The following TATDN2 variants were observed in gnomAD, a reference collection of about 807,000 sequenced individuals.
TATDN2 encodes the protein TatD DNase domain containing 2, also known as 3'-5' RNA nuclease TATDN2.
Under a neutral mutation model 60.3 loss-of-function variants are expected in TATDN2, and 44 were observed. That is an observed-to-expected ratio of 0.73 (90% CI 0.57 to 0.94). The LOEUF (loss-of-function observed/expected upper bound fraction) is 0.94. TATDN2 is among the 40% of genes least tolerant of loss of function. TATDN2 has a pLI of 0.00. For synonymous variants in TATDN2, 399 were observed against 355.8 expected, an observed-to-expected ratio of 1.12 and a Z score of -1.37; for missense variants, 997 against 948.0, an observed-to-expected ratio of 1.05 and a Z score of -0.68.
Position 10,278,543 on chromosome 3 carries a change from G to A in TATDN2, c.2145+81G>A. Reference sequence around the variant, plus strand: ...GTGGTCACCCTTACAAGGTTGGCAGGGCCAGAGCCCCAGTGACTTCCAGGT... The same window carrying A: ...GTGGTCACCCTTACAAGGTTGGCAGAGCCAGAGCCCCAGTGACTTCCAGGT... On this transcript the variant is annotated intron_variant, in intron 6 of 7. Coordinates refer to ENST00000448281, the MANE Select transcript of TATDN2 (RefSeq NM_014760.4). The surrounding 1 kb of genome is among the most constrained non-coding windows in gnomAD (Gnocchi z 4.7). 1 of 1,572,250 alleles carries A rather than the reference G, an allele frequency of 6.4e-7. No homozygotes were observed.
rs780219095 is a variant in TATDN2 at position 10,260,171 on chromosome 3, ACT to A, written c.452_453del (p.Ser151Ter). 4 of 1,613,554 alleles carry A rather than the reference ACT, an allele frequency of 2.5e-6. No individual in the cohort carries two copies. The highest frequency in any genetic ancestry group is 1.7e-4 in the Middle Eastern group (1 of 6,054). On this transcript the variant is annotated frameshift_variant, in exon 3 of 8. Coordinates refer to ENST00000448281, the MANE Select transcript of TATDN2 (RefSeq NM_014760.4). LOFTEE classifies it high-confidence loss of function. ...AAAGATAGTTCTCATAACTCCACAA[ACT>A]CTGAATTTGCAGCTGAAGCTGAGGG...
chr3:10,252,324 A>G (rs930708553), intron 2 of TATDN2, among the ~76,000 whole-genome samples: 4 of 151,922 alleles, frequency 2.6e-5, no homozygotes, highest in African/African-American at 9.7e-5. Context: ...CAATTAGAGA[A>G]TTTATACAGG....
At position 10,270,986 on chromosome 3, in the gene TATDN2, T is replaced by C. The variant is rs746254813; in HGVS notation, c.1804T>C (p.Cys602Arg). ...AATGGGCTTGGATTACTCTTACAAG[T>C]GCACCACGCCTGTCCCAGAACAGCA... ...GEMGLDYSYKCTTPVPEQHKV... is the reference protein window; with the variant it reads ...GEMGLDYSYKRTTPVPEQHKV... Residue 602 changes from cysteine (C) to arginine (R), a missense_variant, in exon 4 of 8, where the codon TGC (cysteine) becomes CGC (arginine). Cys to Arg is a radical substitution (Grantham distance 180). Coordinates refer to ENST00000448281, the MANE Select transcript of TATDN2 (RefSeq NM_014760.4). The C allele has an allele frequency of 2.5e-6, 4 of 1,605,374 alleles. No homozygotes were observed. The highest frequency in any genetic ancestry group is 2.6e-6 in the Non-Finnish European group (3 of 1,176,356).
chr3:10,263,034 G>T (rs888080801), intron 3 of TATDN2, among the ~76,000 whole-genome samples: 1 of 152,094 alleles, frequency 6.6e-6, no homozygotes, highest in African/African-American at 2.4e-5. Context: ...GTGAGTAGCT[G>T]GGATTACAGG....
intron 4 of TATDN2, among the ~76,000 whole-genome samples, chr3:10,275,598 T>A (rs1218447959): frequency 6.6e-6 from 1 of 151,962 alleles, no homozygotes; most frequent in African/African-American, 2.4e-5. Context: ...ATACAGAAAT[T>A]AGCCAGGCAA....
intron 2 of TATDN2, among the ~76,000 whole-genome samples, chr3:10,259,272 A>C (rs1698365018): frequency 6.6e-6 from 1 of 152,252 alleles, no homozygotes; most frequent in South Asian, 2.1e-4. Flanking sequence ...GCTGGATTAC[A>C]GGCATGAGCC....
intron 3 of TATDN2, among the ~76,000 whole-genome samples, chr3:10,266,624 C>G (rs1698478020): frequency 6.6e-6 from 1 of 152,188 alleles, no homozygotes; most frequent in African/African-American, 2.4e-5. Context: ...GGTTTACAGC[C>G]TCTGTTGCAG....
At position 10,270,315 on chromosome 3, in the gene TATDN2, C is replaced by A; in HGVS notation, c.1133C>A (p.Pro378His). ...VMYPPHLYSS[P>H]WCDYASYWTS... ...TACCCTCCTCATTTGTACAGTAGTCCTTGGTGTGACTACGCCAGCTATTGG... is the reference window on the plus strand; with the variant it reads ...TACCCTCCTCATTTGTACAGTAGTCATTGGTGTGACTACGCCAGCTATTGG... The change falls in exon 4 of 8, where the codon CCT becomes CAT. Residue 378 changes from proline (P) to histidine (H), a missense_variant. Pro to His is a moderately conservative substitution (Grantham distance 77). Coordinates refer to ENST00000448281, the MANE Select transcript of TATDN2 (RefSeq NM_014760.4). The A allele has an allele frequency of 6.2e-7, 1 of 1,614,170 alleles. No individual in the cohort carries two copies. Among genetic ancestry groups the A allele is most frequent in the Admixed American group, 1.7e-5 (1 of 60,028 alleles).
In TATDN2 at chr3:10,278,768, G is replaced by A. The variant is rs1169994996; in HGVS notation, c.2146-117G>A. ...CTCTCCCTGCACCTGCAGGTAAAGG[G>A]GTCTCTACAGGGCAGCCCCAAAGAG... On this transcript the variant is annotated intron_variant, in intron 6 of 7. Coordinates refer to ENST00000448281, the MANE Select transcript of TATDN2 (RefSeq NM_014760.4). This position sits in a 1 kb window ranked among gnomAD's most constrained non-coding sequence, Gnocchi z 4.7. 1 of 1,486,854 alleles carries A rather than the reference G, an allele frequency of 6.7e-7. No homozygotes were observed. Among genetic ancestry groups the A allele is most frequent in the African/African-American group, 1.4e-5 (1 of 72,528 alleles). The allele number at this position is 1,486,854 out of a possible 1,614,324, so 92.1% of individuals were successfully genotyped here. A position where few individuals can be genotyped will look rare whatever the true frequency, so the allele number is the denominator to read the frequency against.
In TATDN2 at chr3:10,261,636, G is replaced by A. The variant is rs535662208; in HGVS notation, c.948+966G>A. Among the ~76,000 whole-genome samples, 37 of 152,222 alleles carry A rather than the reference G, an allele frequency of 2.4e-4. No individual in the cohort carries two copies. The South Asian group carries it at 5.6e-3, about 23-fold the overall frequency. On this transcript the variant is annotated intron_variant, in intron 3 of 7. Transcript: ENST00000448281. ...ACCTGCCTTGGCCTCCCAAAGTGCC[G>A]GGATTACAGGCATGAGCCACTGTGC... is the stretch of plus-strand genomic sequence containing the variant.
chr3:10,268,158 C>A (rs1172990290), intron 3 of TATDN2, among the ~76,000 whole-genome samples: 1 of 152,216 alleles, frequency 6.6e-6, no homozygotes, highest in African/African-American at 2.4e-5. Flanking sequence ...AGTTAGCTTG[C>A]ATTTTAGAAA....
At chr3:10,271,413 A>T (rs1399650471) in intron 4 of TATDN2, among the ~76,000 whole-genome samples, 1 of 152,160 alleles carries the variant, frequency 6.6e-6, no homozygotes, top group Non-Finnish European at 1.5e-5. Flanking sequence ...TCCTGGGTTC[A>T]AACTGTTTTC....
At chr3:10,257,912 G>A (rs910580328) in intron 2 of TATDN2, among the ~76,000 whole-genome samples, 1 of 120,860 alleles carries the variant, frequency 8.3e-6, no homozygotes, top group Non-Finnish European at 1.6e-5. Flanking sequence ...CCAGGCTGGA[G>A]TGCAGTGGCA....
At chr3:10,252,945 C>G (rs1698253555) in intron 2 of TATDN2, among the ~76,000 whole-genome samples, 1 of 151,542 alleles carries the variant, frequency 6.6e-6, no homozygotes, top group Non-Finnish European at 1.5e-5. Context: ...CAAGCTCCGC[C>G]TCCCGGGTTC....
Position 10,279,721 on chromosome 3 carries a change from T to C in TATDN2, c.*539T>C, listed in dbSNP as rs1698700342. 3 of 152,308 alleles carry C rather than the reference T, an allele frequency of 2.0e-5. No individual in the cohort carries two copies. Among genetic ancestry groups the C allele is most frequent in the African/African-American group, 7.2e-5 (3 of 41,444 alleles). 9.4% of individuals were successfully genotyped at this position (152,308 alleles called of 1,614,324 possible). A position where few individuals can be genotyped will look rare whatever the true frequency, so the allele number is the denominator to read the frequency against. ...AGTGAAGTCGTCCTCCTCCCTTCCCTGGATAACTCTTCAGTTTGACTGTCA... is the reference window on the plus strand; with the variant it reads ...AGTGAAGTCGTCCTCCTCCCTTCCCCGGATAACTCTTCAGTTTGACTGTCA... On this transcript the variant is annotated 3_prime_UTR_variant, in exon 8 of 8. Transcript: ENST00000448281.
Position 10,257,294 on chromosome 3 carries a change from T to TTATATATATATATATA in TATDN2, c.415-2839_415-2824dup, listed in dbSNP as rs3072531. On this transcript the variant is annotated intron_variant, in intron 2 of 7. Transcript: ENST00000448281. ...AGTGAGATTTTGCCTCAAAAAAAAA[T>TTATATATATATATATA]TATATATATATATATATATGAATTC... is the stretch of plus-strand genomic sequence containing the variant. Among the ~76,000 whole-genome samples the TTATATATATATATATA allele has an allele frequency of 8.1e-4, 108 of 133,586 alleles. 1 individual carries two copies. The highest frequency in any genetic ancestry group is 4.5e-3 in the South Asian group (18 of 3,968). 87.6% of individuals were successfully genotyped at this position (133,586 alleles called of 152,430 possible).
In TATDN2 at chr3:10,249,357, A is replaced by T. The variant is rs780718395; in HGVS notation, c.157A>T (p.Lys53Ter). The T allele has an allele frequency of 1.2e-6, 2 of 1,612,782 alleles. No homozygotes were observed. The highest frequency in any genetic ancestry group is 1.7e-6 in the Non-Finnish European group (2 of 1,179,220). The change falls in exon 2 of 8, where the codon AAG becomes TAG. Residue 53 changes from lysine to a stop codon, truncating the protein, a stop_gained. Coordinates refer to ENST00000448281, the MANE Select transcript of TATDN2 (RefSeq NM_014760.4). LOFTEE classifies it high-confidence loss of function. ...ASRSGGPSSP[K>*]RLKAQKEDDV... The stretch of plus-strand genomic sequence containing the variant: ...GCGTTCTGGAGGGCCCAGCAGCCCC[A>T]AGCGCCTGAAAGCCCAGAAGGAGGA...
At position 10,280,087 on chromosome 3, in the gene TATDN2, T is replaced by A. The variant is rs1698708342; in HGVS notation, c.*905T>A. ...CTTCTTGGGAACATTTGACCAAAAA[T>A]AATCCTCATTTCATCTTGTGTACAG... On this transcript the variant is annotated 3_prime_UTR_variant, in exon 8 of 8. Transcript: ENST00000448281. 1 of 153,882 alleles carries A rather than the reference T, an allele frequency of 6.5e-6. No individual in the cohort carries two copies. The highest frequency in any genetic ancestry group is 2.4e-5 in the African/African-American group (1 of 41,580). 9.5% of individuals were successfully genotyped at this position (153,882 alleles called of 1,614,324 possible).
At chr3:10,263,399 CTCTT>C (rs1222051322) in intron 3 of TATDN2, among the ~76,000 whole-genome samples, 1 of 151,914 alleles carries the variant, frequency 6.6e-6, no homozygotes. Context: ...TTTTTCTTCT[CTCTT>C]TCTCTCTCTA....
Sources: gnomAD v4.1 joint callset for allele counts (sites outside exome capture counted in the v4.1 genomes callset) on GRCh38, gnomAD v4.1.1 for gene constraint, Gnocchi (gnomAD v3.1) non-coding constraint, MANE v1.5 for transcripts, NCBI Gene and HGNC (gene_info 2026-07-23, HGNC 2026-07-21) for gene names.